The following TOR1A variants were observed in gnomAD, a reference collection of about 807,000 sequenced individuals.
The protein encoded by TOR1A is torsin family 1 member A, also known as torsin-1A.
Under a neutral mutation model 31.4 loss-of-function variants are expected in TOR1A, and 18 were observed. That is an observed-to-expected ratio of 0.57 (90% CI 0.40 to 0.85). TOR1A has a LOEUF of 0.85. Ranked by LOEUF, TOR1A falls within the 40% of genes least tolerant of loss-of-function variation. The pLI is 0.00. For missense variants in TOR1A, 375 were observed against 416.4 expected (o/e 0.90, Z 0.87); for synonymous variants, 168 against 165.9 (o/e 1.01, Z -0.10).
At chr9:129,819,959 T>TA (rs1256561434) in intron 2 of TOR1A, among the ~76,000 whole-genome samples, 12 of 147,916 alleles carry the variant, frequency 8.1e-5, no homozygotes, top group African/African-American at 2.7e-4. Flanking sequence ...TAATAATAAA[T>TA]AAATAAAATA....
At chr9:129,816,270 T>A (rs889295197) in intron 4 of TOR1A, among the ~76,000 whole-genome samples, 1 of 152,114 alleles carries the variant, frequency 6.6e-6, no homozygotes, top group African/African-American at 2.4e-5. Flanking sequence ...AATGCCACCC[T>A]CACAGGGAGC....
rs551337283 is a variant in TOR1A at position 129,824,052 on chromosome 9, G to C, written c.34C>G (p.Leu12Val). ...GCCTGCACCACGGACGGCGCCAGCAGCAGCAGGCCCAGCACGGCCCGGCCC... is the reference window on the plus strand; with the variant it reads ...GCCTGCACCACGGACGGCGCCAGCACCAGCAGGCCCAGCACGGCCCGGCCC... ...KLGRAVLGLL[L>V]LAPSVVQAVE... Residue 12 changes from leucine (L) to valine (V), a missense_variant, in exon 1 of 5, where the codon CTG becomes GTG. Transcript: ENST00000351698. The C allele has an allele frequency of 1.2e-6, 2 of 1,603,172 alleles. No homozygotes were observed. Among genetic ancestry groups the C allele is most frequent in the Non-Finnish European group, 1.7e-6 (2 of 1,176,858 alleles).
At chr9:129,817,848 A>AT (rs1363042395) in intron 4 of TOR1A, among the ~76,000 whole-genome samples, 33 of 134,914 alleles carry the variant, frequency 2.4e-4, no homozygotes, top group Non-Finnish European at 5.4e-4. Flanking sequence ...CAAAAAAAAA[A>AT]AAAAAAAAAA....
chr9:129,813,841 C>T lies in TOR1A; in HGVS notation c.*131G>A. 7.2e-7 allele frequency: 1 copy of T among 1,387,860 alleles called. No homozygotes were observed. The highest frequency in any genetic ancestry group is 1.0e-6 in the Non-Finnish European group (1 of 997,788). 86.0% of individuals were successfully genotyped at this position (1,387,860 alleles called of 1,614,324 possible). ...GTGGAAACAATGCCAGGGAGAATTC[C>T]TGTCACATCAAACAGGAACATTCAC... On this transcript the variant is annotated 3_prime_UTR_variant, in exon 5 of 5. Coordinates refer to ENST00000351698, the MANE Select transcript of TOR1A (RefSeq NM_000113.3).
Position 129,822,639 on chromosome 9 carries a change from A to G in TOR1A, c.386T>C (p.Val129Ala). The change falls in exon 2 of 5, where the codon GTC becomes GCC. Residue 129 changes from valine to alanine, a missense_variant. Transcript: ENST00000351698. ...IYEGGLNSDY[V>A]HLFVATLHFP... ...GTGCAATGTGGCCACAAACAGGTGG[A>G]CATAGTCACTGTTCAGACCACCCTC... 6.2e-7 allele frequency: 1 copy of G among 1,614,226 alleles called. No homozygotes were observed. The highest frequency in any genetic ancestry group is 8.5e-7 in the Non-Finnish European group (1 of 1,180,046).
intron 2 of TOR1A, among the ~76,000 whole-genome samples, chr9:129,820,227 T>C (rs928806105): frequency 2.0e-5 from 3 of 152,092 alleles, no homozygotes; most frequent in Non-Finnish European, 4.4e-5. Flanking sequence ...ATTCAAGCGA[T>C]TCCCTTGCCT....
chr9:129,818,560 A>G lies in TOR1A; in HGVS notation c.708T>C (p.Ile236=). 1 of 1,614,214 alleles carries G rather than the reference A, an allele frequency of 6.2e-7. No individual in the cohort carries two copies. The highest frequency in any genetic ancestry group is 8.5e-7 in the Non-Finnish European group (1 of 1,180,044). ...AAACCGACACAGACAACGCGTGTTC[A>G]ATGTCTTTGAGCTTGATGTCTTCCC... ...KQREDIKLKD[I]EHALSVSVFN... is the part of the protein sequence containing the mutation. The change falls in exon 4 of 5, where the codon ATT becomes ATC. Residue 236 remains isoleucine (I), a synonymous_variant. Coordinates refer to ENST00000351698, the MANE Select transcript of TOR1A (RefSeq NM_000113.3).
At position 129,818,998 on chromosome 9, in the gene TOR1A, G is replaced by A. The variant is rs746016075; in HGVS notation, c.445-78C>T. On this transcript the variant is annotated intron_variant, in intron 2 of 4. Coordinates refer to ENST00000351698, the MANE Select transcript of TOR1A (RefSeq NM_000113.3). ...TCAGCTCCTTCTACCACTAAGAACC[G>A]CAGCTTCACTTACAGACCACTGTGC... The A allele has an allele frequency of 1.8e-5, 28 of 1,517,944 alleles. 1 individual carries two copies. Among genetic ancestry groups the A allele is most frequent in the East Asian group, 7.0e-5 (3 of 42,952 alleles). The allele number at this position is 1,517,944 out of a possible 1,614,324, so 94.0% of individuals were successfully genotyped here.
At chr9:129,821,537 G>C (rs2031184112) in intron 2 of TOR1A, 1 of 152,216 alleles carries the variant, frequency 6.6e-6, no homozygotes, top group African/African-American at 2.4e-5. Context: ...GAGAGTGTTA[G>C]GACTCAAATC....
rs117969126 is a variant in TOR1A at position 129,814,323 on chromosome 9, C to T, written c.749-101G>A. The T allele has an allele frequency of 2.3e-4, 358 of 1,574,074 alleles. 1 individual carries two copies. The East Asian group carries it at 7.6e-3, about 34-fold the overall frequency. On this transcript the variant is annotated intron_variant, in intron 4 of 4. Transcript: ENST00000351698. The stretch of plus-strand genomic sequence containing the variant: ...CCTACCCTCCCATCCGTCCCACAAA[C>T]GTCTACTGGGGGTCACCTATCCATG...
chr9:129,814,935 A>G (rs1287604080), intron 4 of TOR1A, among the ~76,000 whole-genome samples: 7 of 152,180 alleles, frequency 4.6e-5, no homozygotes, highest in African/African-American at 1.7e-4. Context: ...GCAGATGTGC[A>G]GCCCACGCTG....
intron 4 of TOR1A, among the ~76,000 whole-genome samples, chr9:129,817,038 C>T (rs145649547): frequency 9.2e-5 from 14 of 152,300 alleles, no homozygotes; most frequent in African/African-American, 1.7e-4. Flanking sequence ...GCTGGCTTTC[C>T]ACCTCCCCAG....
chr9:129,817,789 C>T (rs1243065487), intron 4 of TOR1A, among the ~76,000 whole-genome samples: 2 of 138,650 alleles, frequency 1.4e-5, no homozygotes, highest in African/African-American at 5.6e-5. Context: ...TGACTTAAGT[C>T]CAGGAAGTCA....
In TOR1A at chr9:129,818,868, A is replaced by G. The variant is rs752893022; in HGVS notation, c.497T>C (p.Ile166Thr). 3 of 1,613,856 alleles carry G rather than the reference A, an allele frequency of 1.9e-6. No individual in the cohort carries two copies. The highest frequency in any genetic ancestry group is 2.7e-5 in the African/African-American group (2 of 74,926). Reference protein sequence around the residue: ...RGNVSACARSIFIFDEMDKMH... With the variant: ...RGNVSACARSTFIFDEMDKMH... ...CTTATCCATTTCATCAAATATGAAG[A>G]TGGACCTCGCACAGGCACTCACGTT... The change falls in exon 3 of 5, where the codon ATC becomes ACC. Residue 166 changes from isoleucine (I) to threonine (T), a missense_variant. Coordinates refer to ENST00000351698, the MANE Select transcript of TOR1A (RefSeq NM_000113.3).
intron 4 of TOR1A, 47 bp from the exon 5 acceptor site, chr9:129,814,269 C>G: frequency 6.2e-7 from 1 of 1,612,952 alleles, no homozygotes; most frequent in East Asian, 2.2e-5. Context: ...CACCCACCTG[C>G]CCTATAGACG....
intron 4 of TOR1A, among the ~76,000 whole-genome samples, chr9:129,814,627 CTT>C (rs1168307675): frequency 6.6e-6 from 1 of 151,594 alleles, no homozygotes; most frequent in Non-Finnish European, 1.5e-5. Context: ...TGACAGCCCT[CTT>C]TACACGGCGG....
chr9:129,822,167 G>C (rs2031199709), intron 2 of TOR1A: 7 of 308,848 alleles, frequency 2.3e-5, no homozygotes, highest in South Asian at 1.6e-4. Context: ...CCGGGAGGCT[G>C]AGGCAGGATA....
rs191202895 is a variant in TOR1A, at chr9:129,820,400, G to A, written c.445-1480C>T. On this transcript the variant is annotated intron_variant, in intron 2 of 4. Transcript: ENST00000351698. ...CTCCCAAAGTGCTGGGATTACAGGC[G>A]CGAGCCACCACACCTGGTCTGTTCA... 2.9e-3 allele frequency among the ~76,000 whole-genome samples: 449 copies of A among 152,232 alleles called. 1 individual carries two copies. Among genetic ancestry groups the A allele is most frequent in the African/African-American group, 0.01 (427 of 41,530 alleles).
At chr9:129,816,727 C>T (rs2031049877) in intron 4 of TOR1A, among the ~76,000 whole-genome samples, 1 of 152,208 alleles carries the variant, frequency 6.6e-6, no homozygotes. Flanking sequence ...GATTCTAGGC[C>T]ACGGGGCTCA....
Sources: allele counts gnomAD v4.1 joint callset (sites outside exome capture counted in the v4.1 genomes callset), GRCh38; gene constraint gnomAD v4.1.1; transcripts MANE v1.5; gene names NCBI Gene and HGNC (gene_info 2026-07-23, HGNC 2026-07-21).